The following CTNND2 variants were observed in gnomAD, a reference collection of about 807,000 sequenced individuals.
CTNND2 encodes the protein catenin delta 2.
A neutral mutation model predicts 144.4 loss-of-function variants in CTNND2; 22 were observed. The ratio of observed to expected loss-of-function variants is 0.15; its 90% CI spans 0.11 to 0.22. The LOEUF is 0.22. CTNND2 is among the 10% of genes least tolerant of loss of function. The pLI is 1.00. For synonymous variants in CTNND2, 751 were observed against 695.6 expected (o/e 1.08, Z -1.25); for missense variants, 1,353 against 1,618.8 (o/e 0.84, Z 2.82).
At chr5:11,381,170 T>G (rs1758446673) in intron 7 of CTNND2, among the ~76,000 whole-genome samples, 1 of 152,196 alleles carries the variant, frequency 6.6e-6, no homozygotes, top group South Asian at 2.1e-4. Context: ...GTCCAATGCT[T>G]CCATCTTAAC....
At chr5:11,834,869 A>T (rs565190082) in intron 1 of CTNND2, among the ~76,000 whole-genome samples, 94 of 152,336 alleles carry the variant, frequency 6.2e-4, no homozygotes, top group Non-Finnish European at 1.3e-3. Flanking sequence ...AGCCAGGTAC[A>T]GTGGCTCCTG....
chr5:11,818,004 TCA>T (rs1793097761), intron 1 of CTNND2, among the ~76,000 whole-genome samples: 19 of 93,234 alleles, frequency 2.0e-4, no homozygotes, highest in African/African-American at 4.4e-4. Flanking sequence ...TTTTTTTTTT[TCA>T]GTTCTCCTCC....
intron 9 of CTNND2, among the ~76,000 whole-genome samples, chr5:11,308,129 G>C (rs975515442): frequency 3.9e-5 from 6 of 152,064 alleles, no homozygotes; most frequent in Admixed American, 3.9e-4. Flanking sequence ...AAGGCACCCA[G>C]TTTGTGGCAT....
chr5:11,713,359 T>C (rs1786143949), intron 2 of CTNND2, among the ~76,000 whole-genome samples: 1 of 151,926 alleles, frequency 6.6e-6, no homozygotes, highest in African/African-American at 2.4e-5. Context: ...GGCAGGAGGA[T>C]CATGAGGTCA....
At chr5:11,272,882 G>T (rs420787) in intron 9 of CTNND2, among the ~76,000 whole-genome samples, 35,977 of 151,906 alleles carry the variant, frequency 0.24, 4,301 homozygotes, top group Middle Eastern at 0.34. Context: ...TGGCCCATGG[G>T]ACAAATCTGG....
chr5:11,554,924 T>C (rs1776082070), intron 3 of CTNND2, among the ~76,000 whole-genome samples: 1 of 150,966 alleles, frequency 6.6e-6, no homozygotes, highest in Non-Finnish European at 1.5e-5. Context: ...TATATAAATA[T>C]ATCTACATAT....
chr5:11,712,151 C>T (rs1030147533), intron 2 of CTNND2, among the ~76,000 whole-genome samples: 2 of 152,140 alleles, frequency 1.3e-5, no homozygotes, highest in Non-Finnish European at 1.5e-5. Flanking sequence ...CAGAAGCAGT[C>T]GGTAAACTGT....
chr5:11,755,293 T>C (rs1788869763), intron 1 of CTNND2, among the ~76,000 whole-genome samples: 2 of 151,756 alleles, frequency 1.3e-5, no homozygotes, highest in African/African-American at 2.4e-5. Flanking sequence ...GCTTGTAGAG[T>C]TTCTGCTGAA....
intron 12 of CTNND2, among the ~76,000 whole-genome samples, chr5:11,120,338 A>C (rs1334953764): frequency 6.7e-6 from 1 of 149,548 alleles, no homozygotes. Flanking sequence ...GATGAGGCTC[A>C]GTATACATAT....
At chr5:10,992,282 G>T (rs1252676883) in intron 19 of CTNND2, among the ~76,000 whole-genome samples, 1 of 152,200 alleles carries the variant, frequency 6.6e-6, no homozygotes, top group Non-Finnish European at 1.5e-5. Context: ...ACACATGACA[G>T]TTTTCTTTAT....
chr5:11,248,155 G>A (rs1428512236), intron 9 of CTNND2, among the ~76,000 whole-genome samples: 1 of 152,154 alleles, frequency 6.6e-6, no homozygotes, highest in East Asian at 1.9e-4. Context: ...TGAACCTGGA[G>A]TGTAAATAAG....
At chr5:11,833,513 G>A (rs1794017674) in intron 1 of CTNND2, among the ~76,000 whole-genome samples, 1 of 151,920 alleles carries the variant, frequency 6.6e-6, no homozygotes, top group South Asian at 2.1e-4. Flanking sequence ...TTGCAGGGAT[G>A]ATGAAACTAT....
At chr5:11,459,492 G>C (rs1379381364) in intron 3 of CTNND2, among the ~76,000 whole-genome samples, 1 of 152,092 alleles carries the variant, frequency 6.6e-6, no homozygotes, top group Non-Finnish European at 1.5e-5. Context: ...TGCTTGTTCT[G>C]CCCCTTTTTA....
intron 3 of CTNND2, among the ~76,000 whole-genome samples, chr5:11,494,947 A>T (rs1161443263): frequency 6.6e-6 from 1 of 152,316 alleles, no homozygotes. Flanking sequence ...TATTTCTCAT[A>T]TCTGTGAATA....
At chr5:11,544,787 A>T (rs1211377171) in intron 3 of CTNND2, among the ~76,000 whole-genome samples, 1 of 152,084 alleles carries the variant, frequency 6.6e-6, no homozygotes, top group Non-Finnish European at 1.5e-5. Flanking sequence ...GTTCAAGACC[A>T]GCCTGGCCAA....
intron 9 of CTNND2, among the ~76,000 whole-genome samples, chr5:11,339,686 G>T (rs969740632): frequency 6.6e-6 from 1 of 152,088 alleles, no homozygotes; most frequent in Admixed American, 6.5e-5. Context: ...GGTTATGGGG[G>T]TATAGCTCTC....
At chr5:11,635,510 A>G (rs1173655951) in intron 2 of CTNND2, among the ~76,000 whole-genome samples, 2 of 152,166 alleles carry the variant, frequency 1.3e-5, no homozygotes, top group Admixed American at 6.6e-5. Flanking sequence ...AGTTAGGGAT[A>G]AGGCATTTCC....
chr5:11,715,235 C>G lies in CTNND2; in HGVS notation c.174+16901G>C, dbSNP rs145384314. On this transcript the variant is annotated intron_variant, in intron 2 of 21. Transcript: ENST00000304623. ...ATCAAGCATGAACTCCTCATTCACT[C>G]ATTTTTACACAAGAGTATCACAAGA... Among the ~76,000 whole-genome samples the G allele has an allele frequency of 5.2e-3, 797 of 152,210 alleles. 6 individuals are homozygous for G. The highest frequency in any genetic ancestry group is 0.019 in the African/African-American group (769 of 41,534).
At chr5:11,191,991 C>G (rs1363974379) in intron 11 of CTNND2, among the ~76,000 whole-genome samples, 6 of 152,168 alleles carry the variant, frequency 3.9e-5, no homozygotes, top group Non-Finnish European at 8.8e-5. Context: ...TTCACCAGCT[C>G]TCACCGTGGT....
Sources: gnomAD v4.1 joint callset for allele counts (sites outside exome capture counted in the v4.1 genomes callset) on GRCh38, gnomAD v4.1.1 for gene constraint, MANE v1.5 for transcripts, NCBI Gene and HGNC (gene_info 2026-07-23, HGNC 2026-07-21) for gene names.